The following NME5 variants were observed in gnomAD, a reference collection of about 807,000 sequenced individuals.
The protein encoded by NME5 is NME/NM23 family member 5, also known as nucleoside diphosphate kinase 5.
A neutral mutation model predicts 21.6 loss-of-function variants in NME5; 18 were observed. The observed-to-expected ratio is 0.83, with a 90% CI of 0.58 to 1.24. NME5 has a LOEUF of 1.24. NME5 is among the 50% of genes most tolerant of loss of function. The probability of loss-of-function intolerance (pLI) is 0.00; values close to 1 mark genes in which losing one functional copy is unlikely to be tolerated. For missense variants in NME5, 223 were observed against 255.4 expected (o/e 0.87, Z 0.86); for synonymous variants, 70 against 80.6 (o/e 0.87, Z 0.71).
At chr5:138,138,112 C>T (rs1448332936) in intron 2 of NME5, among the ~76,000 whole-genome samples, 8 of 152,172 alleles carry the variant, frequency 5.3e-5, no homozygotes, top group African/African-American at 1.7e-4. Context: ...CCTAGAATGA[C>T]AATGTTTACT....
At chr5:138,122,631 T>G (rs979484266) in intron 4 of NME5, among the ~76,000 whole-genome samples, 4 of 151,636 alleles carry the variant, frequency 2.6e-5, no homozygotes, top group Non-Finnish European at 5.9e-5. Context: ...TATATAAAGT[T>G]CATTATGCCA....
At chr5:138,137,596 G>A (rs1751727957) in intron 2 of NME5, among the ~76,000 whole-genome samples, 1 of 150,894 alleles carries the variant, frequency 6.6e-6, no homozygotes, top group South Asian at 2.1e-4. Flanking sequence ...GATTACAGGC[G>A]TGAGCCACCG....
At chr5:138,136,087 C>A (rs1751691771) in intron 2 of NME5, among the ~76,000 whole-genome samples, 1 of 152,214 alleles carries the variant, frequency 6.6e-6, no homozygotes, top group African/African-American at 2.4e-5. Flanking sequence ...AATCTCCCAA[C>A]CTGGGTTATT....
intron 3 of NME5, 94 bp downstream of exon 3, chr5:138,129,169 A>C: frequency 8.8e-7 from 1 of 1,130,254 alleles, no homozygotes; most frequent in Non-Finnish European, 1.3e-6. Flanking sequence ...TTCCAAATAA[A>C]AAAAAAATTC....
chr5:138,125,677 C>T (rs945044094), intron 4 of NME5, among the ~76,000 whole-genome samples: 3 of 152,190 alleles, frequency 2.0e-5, no homozygotes, highest in African/African-American at 7.2e-5. Flanking sequence ...TACAGTGGTA[C>T]AATCTCGGCT....
At chr5:138,115,958 C>T (rs1751148437) in intron 5 of NME5, among the ~76,000 whole-genome samples, 194 bp from the exon 6 acceptor site, 1 of 152,146 alleles carries the variant, frequency 6.6e-6, no homozygotes, top group African/African-American at 2.4e-5. Context: ...AGAAGTAAAA[C>T]TATCTCTTTT....
intron 4 of NME5, among the ~76,000 whole-genome samples, chr5:138,120,228 C>CTTTTTTTTTTTTTTTTTTTT (rs1561586430): frequency 2.5e-5 from 1 of 40,394 alleles, no homozygotes. Context: ...CTGCTCCCAG[C>CTTTTTTTTTTTTTTTTTTTT]TCTTTTTTTT....
intron 5 of NME5, among the ~76,000 whole-genome samples, chr5:138,118,286 C>T (rs568135226): frequency 8.6e-5 from 13 of 151,148 alleles, no homozygotes; most frequent in Admixed American, 2.6e-4. Flanking sequence ...CCACCACGCC[C>T]GGCTAATTTT....
Position 138,129,461 on chromosome 5 carries a change from T to A in NME5, c.137A>T (p.Lys46Ile). 6.2e-7 allele frequency: 1 copy of A among 1,613,278 alleles called. No homozygotes were observed. The highest frequency in any genetic ancestry group is 2.2e-5 in the East Asian group (1 of 44,854). ...RSGFTIVQRR[K>I]LRLSPEQCSN... ...ACATTGCTCAGGGCTGAGGCGTAGT[T>A]TTCTTCTCTATAAAAGACACAAAGT... The change falls in exon 3 of 6, where the codon AAA becomes ATA. Residue 46 changes from lysine (K) to isoleucine (I), a missense_variant. Coordinates refer to ENST00000265191, the MANE Select transcript of NME5 (RefSeq NM_003551.3).
chr5:138,129,656 G>A (rs571357370), intron 2 of NME5, among the ~76,000 whole-genome samples, 188 bp from the exon 3 acceptor site: 39 of 152,078 alleles, frequency 2.6e-4, no homozygotes, highest in Non-Finnish European at 4.6e-4. Flanking sequence ...GAATTACTTA[G>A]CCTACTTAAG....
At chr5:138,119,003 G>T in intron 4 of NME5, 67 bp from the exon 5 acceptor site, 5 of 925,788 alleles carry the variant, frequency 5.4e-6, no homozygotes, top group South Asian at 1.6e-5. Flanking sequence ...TCATTAAAAA[G>T]GTTCTTTTTA....
At chr5:138,119,066 G>A in intron 4 of NME5, 130 bp from the exon 5 acceptor site, 1 of 564,936 alleles carries the variant, frequency 1.8e-6, no homozygotes, top group Non-Finnish European at 3.1e-6. Flanking sequence ...GTCTTACTCT[G>A]TTGCCTGGGC....
chr5:138,121,409 C>G (rs1401573507), intron 4 of NME5, among the ~76,000 whole-genome samples: 1 of 151,888 alleles, frequency 6.6e-6, no homozygotes, highest in Non-Finnish European at 1.5e-5. Context: ...CAGAGAGACA[C>G]CCTGTCTCAA....
At chr5:138,127,568 T>G in intron 4 of NME5, 2 of 983,982 alleles carry the variant, frequency 2.0e-6, no homozygotes, top group Non-Finnish European at 2.4e-6. Flanking sequence ...TCCAAAATTT[T>G]GCTCAATGCT....
At chr5:138,129,779 GA>G (rs557141342) in intron 2 of NME5, among the ~76,000 whole-genome samples, 44 of 152,182 alleles carry the variant, frequency 2.9e-4, no homozygotes, top group Admixed American at 1.1e-3. Flanking sequence ...GCAACACAGT[GA>G]AACCCCGTCT....
In NME5 at chr5:138,118,943, A is replaced by C. The variant is rs759313888; in HGVS notation, c.437-7T>G. 7.1e-7 allele frequency: 1 copy of C among 1,416,206 alleles called. No homozygotes were observed. The highest frequency in any genetic ancestry group is 1.2e-5 in the South Asian group (1 of 86,822). 87.7% of individuals were successfully genotyped at this position (1,416,206 alleles called of 1,614,324 possible). A position where few individuals can be genotyped will look rare whatever the true frequency, so the allele number is the denominator to read the frequency against. On this transcript the variant is annotated splice_polypyrimidine_tract_variant and splice_region_variant and intron_variant, in intron 4 of 5. Transcript: ENST00000265191. ...GGAATGGGCTCAACAATCACTGCAA[A>C]TACAAATGTATTCTCATTGATGCAA...
intron 2 of NME5, among the ~76,000 whole-genome samples, chr5:138,137,521 T>C (rs1033357828): frequency 4.6e-5 from 7 of 151,608 alleles, no homozygotes; most frequent in Admixed American, 3.3e-4. Flanking sequence ...TTTCACCACA[T>C]TGGCCAGGCT....
intron 2 of NME5, among the ~76,000 whole-genome samples, chr5:138,133,964 G>A (rs964929392): frequency 5.3e-5 from 8 of 152,138 alleles, no homozygotes; most frequent in Non-Finnish European, 7.4e-5. Flanking sequence ...ACTTAAAAAC[G>A]GTTAAAATGG....
intron 4 of NME5, among the ~76,000 whole-genome samples, chr5:138,122,500 T>A (rs571135842): frequency 7.3e-4 from 109 of 149,174 alleles, no homozygotes; most frequent in Middle Eastern, 3.5e-3. Flanking sequence ...ATTTTTAATG[T>A]CATTGTGAAT....
Sources: allele counts gnomAD v4.1 joint callset (sites outside exome capture counted in the v4.1 genomes callset), GRCh38; gene constraint gnomAD v4.1.1; transcripts MANE v1.5; gene names NCBI Gene and HGNC (gene_info 2026-07-23, HGNC 2026-07-21).